The following HUWE1 variants were observed in gnomAD, a reference collection of about 807,000 sequenced individuals.
The protein encoded by HUWE1 is HECT, UBA and WWE domain containing E3 ubiquitin protein ligase 1.
A neutral mutation model predicts 299.4 loss-of-function variants in HUWE1; 18 were observed. The observed-to-expected ratio is 0.06, with a 90% CI of 0.04 to 0.09. HUWE1 has a LOEUF of 0.09. Ranked by LOEUF, HUWE1 falls within the 10% of genes least tolerant of loss-of-function variation. HUWE1 has a pLI of 1.00. For synonymous variants in HUWE1, 1,317 were observed against 1,286.1 expected, an observed-to-expected ratio of 1.02 and a Z score of -0.51; for missense variants, 1,832 against 3,462.3, an observed-to-expected ratio of 0.53 and a Z score of 11.82.
chrX:53,645,251 G>T (rs2067898802), intron 7 of HUWE1, 60 bp downstream of exon 7: 2 of 1,139,367 alleles, frequency 1.8e-6, no homozygotes, highest in Non-Finnish European at 2.4e-6. Context: ...AGAAACACCT[G>T]TTGAAAGGAA....
intron 80 of HUWE1, 56 bp from the exon 81 acceptor site, chrX:53,535,557 G>A: frequency 2.5e-6 from 2 of 789,871 alleles, no homozygotes; most frequent in Non-Finnish European, 3.9e-6. Context: ...GATGGGATTA[G>A]ATACCTAGGA....
At chrX:53,600,868 C>T (rs781812942) in intron 28 of HUWE1, among the ~76,000 whole-genome samples, 17 of 112,315 alleles carry the variant, frequency 1.5e-4, no homozygotes, top group African/African-American at 5.5e-4. Context: ...GAAGCTGAGT[C>T]GTTTTTGTTA....
intron 4 of HUWE1, among the ~76,000 whole-genome samples, chrX:53,649,426 T>A (rs2068302077): frequency 8.9e-6 from 1 of 112,046 alleles, no homozygotes; most frequent in African/African-American, 3.2e-5. Context: ...TATCCAGCAA[T>A]GCTGTCGTGA....
chrX:53,606,556 C>T lies in HUWE1; in HGVS notation c.2496+967G>A, dbSNP rs182401854. ...ACAGCATCATTATTATTCACAACAG[C>T]CAAAAGGAGAAAGCAACCCAAGTGT... On this transcript the variant is annotated intron_variant, in intron 25 of 83. Transcript: ENST00000262854. Among the ~76,000 whole-genome samples the T allele has an allele frequency of 1.5e-4, 17 of 111,535 alleles. No homozygotes were observed. In the East Asian group the frequency reaches 4.8e-3, roughly 31 times the overall value.
In HUWE1 at chrX:53,603,555, T is replaced by TA. The variant is rs782483263; in HGVS notation, c.2743-55dup. ...GGGATGTTCTCTGAACAATTATACTTAAAAAAAAAAATTGACCTTCAACAG... is the reference window on the plus strand; with the variant it reads ...GGGATGTTCTCTGAACAATTATACTTAAAAAAAAAAAATTGACCTTCAACAG... On this transcript the variant is annotated intron_variant, in intron 26 of 83. Transcript: ENST00000262854. 24,700 of 918,582 alleles carry TA rather than the reference T, an allele frequency of 0.027. 73 individuals carry two copies. The highest frequency in any genetic ancestry group is 0.029 in the Non-Finnish European group (19,949 of 679,249). 75.7% of individuals were successfully genotyped at this position (918,582 alleles called of 1,213,427 possible). A position where few individuals can be genotyped will look rare whatever the true frequency, so the allele number is the denominator to read the frequency against.
chrX:53,537,353 A>G lies in HUWE1; in HGVS notation c.12137+203T>C, dbSNP rs782098876. On this transcript the variant is annotated intron_variant, in intron 78 of 83. Coordinates refer to ENST00000262854, the MANE Select transcript of HUWE1 (RefSeq NM_031407.7). The stretch of plus-strand genomic sequence containing the variant: ...CCTGTCTGTCTGGGAATTGTTGGGT[A>G]GCTTAGCTAAAGGGCCAGCCAGCAG... 6.5e-6 allele frequency: 3 copies of G among 460,614 alleles called. No homozygotes were observed. The African/African-American group carries it at 7.3e-5, about 11-fold the overall frequency. 38.0% of individuals were successfully genotyped at this position (460,614 alleles called of 1,213,427 possible). A position where few individuals can be genotyped will look rare whatever the true frequency, so the allele number is the denominator to read the frequency against.
chrX:53,622,609 C>A (rs1364982526), intron 19 of HUWE1, among the ~76,000 whole-genome samples: 1 of 110,781 alleles, frequency 9.0e-6, no homozygotes, highest in African/African-American at 3.3e-5. Context: ...ACAGTTCAGG[C>A]CTAAGAAGCC....
intron 47 of HUWE1, 34 bp downstream of exon 47, chrX:53,573,716 G>A (rs782806597): frequency 1.8e-6 from 2 of 1,086,018 alleles, no homozygotes; most frequent in Non-Finnish European, 2.6e-6. Context: ...TGGAAGTACA[G>A]TGTAACATCT....
chrX:53,630,308 C>G (rs1240000473), intron 12 of HUWE1, among the ~76,000 whole-genome samples: 2 of 111,846 alleles, frequency 1.8e-5, no homozygotes, highest in African/African-American at 3.3e-5. Flanking sequence ...ATAATAACAG[C>G]AATGGTTACC....
intron 47 of HUWE1, among the ~76,000 whole-genome samples, chrX:53,571,002 G>C (rs1321973652): frequency 8.9e-6 from 1 of 112,258 alleles, no homozygotes; most frequent in African/African-American, 3.2e-5. Flanking sequence ...CAATAACCAC[G>C]TAGAAAGGAC....
chrX:53,610,180 A>T lies in HUWE1; in HGVS notation c.2262-1271T>A, dbSNP rs782554271. On this transcript the variant is annotated intron_variant, in intron 23 of 83. Coordinates refer to ENST00000262854, the MANE Select transcript of HUWE1 (RefSeq NM_031407.7). ...ATCCACCTCTATCGATAAGGAGTGC[A>T]GGTGTGGATCCCGCCCAGAGACACC... 8.1e-5 allele frequency among the ~76,000 whole-genome samples: 9 copies of T among 111,766 alleles called. No homozygotes were observed. The South Asian group carries it at 2.7e-3, about 33-fold the overall frequency.
intron 31 of HUWE1, among the ~76,000 whole-genome samples, chrX:53,594,083 C>T (rs1190217568): frequency 1.8e-5 from 2 of 110,687 alleles, no homozygotes; most frequent in Non-Finnish European, 3.8e-5. Flanking sequence ...GGCGACAGAG[C>T]CAGACTCCAT....
In HUWE1 at chrX:53,627,449, T is replaced by C; in HGVS notation, c.1450A>G (p.Thr484Ala). 6 of 1,196,990 alleles carry C rather than the reference T, an allele frequency of 5.0e-6. No individual in the cohort carries two copies. Among genetic ancestry groups the C allele is most frequent in the Non-Finnish European group, 6.8e-6 (6 of 882,876 alleles). The change falls in exon 17 of 84, where the codon ACT becomes GCT. Residue 484 changes from threonine (T) to alanine (A), a missense_variant. Around this residue, in one of 15 missense-constraint regions of HUWE1, gnomAD observed 658 missense variants for 1,282.6 expected, o/e 0.51. Transcript: ENST00000262854. ...TCCATTTCCTCTCCTTCTTGTGTAGTATTGGGTCTCTGGATCTTTGGCTTG... is the reference window on the plus strand; with the variant it reads ...TCCATTTCCTCTCCTTCTTGTGTAGCATTGGGTCTCTGGATCTTTGGCTTG... ...VIKPKIQRPN[T>A]TQEGEEMETD...
chrX:53,597,920 G>A (rs1476710146), intron 29 of HUWE1, among the ~76,000 whole-genome samples: 2 of 111,577 alleles, frequency 1.8e-5, no homozygotes, highest in African/African-American at 6.6e-5. Flanking sequence ...CATCAAGCCT[G>A]AAATAAATTC....
At chrX:53,677,816 G>A (rs1453316799) in intron 3 of HUWE1, among the ~76,000 whole-genome samples, 1 of 111,359 alleles carries the variant, frequency 9.0e-6, no homozygotes, top group Non-Finnish European at 1.9e-5. Flanking sequence ...TGTGCTAAAG[G>A]TGGTACATAA....
intron 81 of HUWE1, among the ~76,000 whole-genome samples, chrX:53,534,911 C>T (rs1187074427): frequency 9.1e-6 from 1 of 109,817 alleles, no homozygotes; most frequent in Non-Finnish European, 1.9e-5. Context: ...CAAATGTGAG[C>T]CACTGTGTCC....
Position 53,536,766 on chromosome X carries a change from G to C in HUWE1, c.12138-99C>G, listed in dbSNP as rs1556913443. The C allele has an allele frequency of 5.3e-6, 4 of 757,717 alleles. No individual in the cohort carries two copies. The African/African-American group carries it at 8.3e-5, about 16-fold the overall frequency. 62.4% of individuals were successfully genotyped at this position (757,717 alleles called of 1,213,427 possible). On this transcript the variant is annotated intron_variant, in intron 78 of 83. Coordinates refer to ENST00000262854, the MANE Select transcript of HUWE1 (RefSeq NM_031407.7). ...GAGACTGTGAAGCAGTGTCTGGGGA[G>C]TGCAGTGTCAGATGAAGAGGTAAAC... is the stretch of plus-strand genomic sequence containing the variant.
intron 72 of HUWE1, 70 bp from the exon 73 acceptor site, chrX:53,544,038 C>G: frequency 1.0e-6 from 1 of 979,440 alleles, no homozygotes; most frequent in South Asian, 2.1e-5. Context: ...ATTCTCTCTC[C>G]TATCTCCTGG....
intron 45 of HUWE1, 58 bp downstream of exon 45, chrX:53,575,585 G>A: frequency 1.8e-6 from 2 of 1,097,480 alleles, no homozygotes; most frequent in Admixed American, 4.4e-5. Flanking sequence ...TAAATACTGA[G>A]ACCACACAGG....
Sources: allele counts gnomAD v4.1 joint callset (sites outside exome capture counted in the v4.1 genomes callset), GRCh38; gene constraint gnomAD v4.1.1; regional missense constraint gnomAD v4.1.1; transcripts MANE v1.5; gene names NCBI Gene and HGNC (gene_info 2026-07-23, HGNC 2026-07-21).